Variants in ITGA6 observed in about 807,000 individuals in gnomAD.
The protein encoded by ITGA6 is integrin alpha-6.
A neutral mutation model predicts 133.6 loss-of-function variants in ITGA6; 63 were observed. That is an observed-to-expected ratio of 0.47 (90% confidence interval 0.38 to 0.58). The LOEUF (loss-of-function observed/expected upper bound fraction) is 0.58, where lower values mean the gene tolerates loss of function less well. ITGA6 is among the 20% of genes least tolerant of loss of function. ITGA6 has a pLI of 0.00. For missense variants in ITGA6, 1,068 were observed against 1,309.4 expected, an observed-to-expected ratio of 0.82 and a Z score of 2.85; for synonymous variants, 434 against 482.0, an observed-to-expected ratio of 0.90 and a Z score of 1.30.
In ITGA6 at chr2:172,444,607, A is replaced by G. The variant is rs181330234; in HGVS notation, c.182+16637A>G. 5.2e-3 allele frequency among the ~76,000 whole-genome samples: 603 copies of G among 115,462 alleles called. 2 individuals are homozygous for G. The highest frequency in any genetic ancestry group is 0.037 in the Middle Eastern group (7 of 188). The allele number at this position is 115,462 out of a possible 152,430, so 75.7% of individuals were successfully genotyped here. A position where few individuals can be genotyped will look rare whatever the true frequency, so the allele number is the denominator to read the frequency against. ...ATCCCCGCCCCCCGCCCCCCGCCAA[A>G]AAAAACCAAAAACCCAAAACACTTG... On this transcript the variant is annotated intron_variant, in intron 1 of 25. Transcript: ENST00000684293.
At chr2:172,485,017 G>A in intron 12 of ITGA6, 75 bp downstream of exon 12, 6 of 1,599,466 alleles carry the variant, frequency 3.8e-6, no homozygotes, top group Non-Finnish European at 5.1e-6. Context: ...ACAGATTTCT[G>A]AAATTTATTC....
At position 172,487,768 on chromosome 2, in the gene ITGA6, T is replaced by G; in HGVS notation, c.2285T>G (p.Phe762Cys). 3 of 1,612,720 alleles carry G rather than the reference T, an allele frequency of 1.9e-6. No individual in the cohort carries two copies. Among genetic ancestry groups the G allele is most frequent in the Non-Finnish European group, 2.5e-6 (3 of 1,178,746 alleles). Residue 762 changes from phenylalanine (F) to cysteine (C), a missense_variant, in exon 17 of 26, where the codon TTT (phenylalanine) becomes TGT (cysteine). This residue lies in a region of ITGA6 where 609 missense variants were observed against 707.2 expected (regional missense o/e 0.86). Coordinates refer to ENST00000684293, the MANE Select transcript of ITGA6 (RefSeq NM_000210.4). The stretch of plus-strand genomic sequence containing the variant: ...GTTTTAAGTACAACTGAAGTCACCT[T>G]TGACACCCCAGATCTGGATATTAAT... ...YLVLSTTEVT[F>C]DTPDLDINLK...
chr2:172,491,277 CA>C lies in ITGA6; in HGVS notation c.2836del (p.Ser946AlafsTer17), dbSNP rs1218825349. ...TCAGATGCCCGCTGCGGGGGCTGGA[CA>C]GCAAGGCGTCTCTTATTTTGCGCTC... ...NIRCPLRGLD[S>X]KASLILRSRL... On this transcript the variant is annotated frameshift_variant, in exon 22 of 26. Coordinates refer to ENST00000684293, the MANE Select transcript of ITGA6 (RefSeq NM_000210.4). LOFTEE classifies it high-confidence loss of function. This position sits in a 1 kb window ranked among gnomAD's most constrained non-coding sequence, Gnocchi z 4.4. 1 of 1,613,072 alleles carries C rather than the reference CA, an allele frequency of 6.2e-7. No individual in the cohort carries two copies. Among genetic ancestry groups the C allele is most frequent in the African/African-American group, 1.3e-5 (1 of 74,908 alleles).
At position 172,485,201 on chromosome 2, in the gene ITGA6, G is replaced by T; in HGVS notation, c.1791G>T (p.Val597=). ...EIQEPSSRRR[V]NSLPEVLPIL... ...AAGAGCCAAGCTCTCGTAGGCGAGTGAATTCACTTCCAGAAGTTCTTCCAA... is the reference window on the plus strand; with the variant it reads ...AAGAGCCAAGCTCTCGTAGGCGAGTTAATTCACTTCCAGAAGTTCTTCCAA... Residue 597 remains valine (V), a synonymous_variant, in exon 13 of 26, where the codon GTG becomes GTT. Coordinates refer to ENST00000684293, the MANE Select transcript of ITGA6 (RefSeq NM_000210.4). 6.2e-7 allele frequency: 1 copy of T among 1,614,010 alleles called. No individual in the cohort carries two copies. The highest frequency in any genetic ancestry group is 8.5e-7 in the Non-Finnish European group (1 of 1,179,876).
At position 172,487,968 on chromosome 2, in the gene ITGA6, A is replaced by C; in HGVS notation, c.2332A>C (p.Asn778His). ...TTTCCTTTTCATTTTCAGAACAAGC[A>C]ATCAAGATAATTTGGCTCCAATTAC... is the stretch of plus-strand genomic sequence containing the variant. ...DINLKLETTS[N>H]QDNLAPITAK... Residue 778 changes from asparagine to histidine, a missense_variant, in exon 18 of 26, where the codon AAT becomes CAT. By Grantham distance (68) the Asn-to-His change is moderately conservative. This residue lies in a region of ITGA6 where 609 missense variants were observed against 707.2 expected (regional missense o/e 0.86). Transcript: ENST00000684293. The C allele has an allele frequency of 6.2e-7, 1 of 1,613,602 alleles. No individual in the cohort carries two copies. The highest frequency in any genetic ancestry group is 8.5e-7 in the Non-Finnish European group (1 of 1,179,516).
intron 5 of ITGA6, among the ~76,000 whole-genome samples, chr2:172,471,599 G>A (rs1243240683): frequency 6.6e-6 from 1 of 152,158 alleles, no homozygotes; most frequent in Non-Finnish European, 1.5e-5. Context: ...CCTGCTTCTG[G>A]ATTGGGACCC....
At chr2:172,452,858 G>A (rs1685063552) in intron 1 of ITGA6, among the ~76,000 whole-genome samples, 1 of 152,180 alleles carries the variant, frequency 6.6e-6, no homozygotes, top group Admixed American at 6.5e-5. Context: ...AATGTGGTGT[G>A]GGTATTTGGA....
intron 1 of ITGA6, among the ~76,000 whole-genome samples, chr2:172,452,167 T>A (rs550595819): frequency 1.6e-4 from 25 of 152,158 alleles, no homozygotes; most frequent in Non-Finnish European, 2.6e-4. Context: ...TCCAGTTCTT[T>A]ATAGGTGGTT....
At position 172,501,879 on chromosome 2, in the gene ITGA6, G is replaced by A. The variant is rs16860616; in HGVS notation, c.3222G>A (p.Ter1074=). ...AAGAGAGGCTTACTTCTGATGCATA[G>A]TATTGATCTACTTCTGTAATTGGTA... ...SDKERLTSDA[*] Residue 1074 remains the stop codon, a stop_retained_variant, in exon 25 of 26, where the codon TAG becomes TAA. Coordinates refer to ENST00000684293, the MANE Select transcript of ITGA6 (RefSeq NM_000210.4). 1,853 of 1,612,098 alleles carry A rather than the reference G, an allele frequency of 1.1e-3. 20 individuals are homozygous for A. In the African/African-American group the frequency reaches 0.021, roughly 18 times the overall value.
intron 5 of ITGA6, 56 bp from the exon 6 acceptor site, chr2:172,473,999 A>C: frequency 7.9e-7 from 1 of 1,261,882 alleles, no homozygotes; most frequent in Non-Finnish European, 1.2e-6. Flanking sequence ...TACCAATGTC[A>C]TAGGCCTAAA....
intron 20 of ITGA6, chr2:172,489,903 C>T (rs1686849844): frequency 2.2e-6 from 1 of 456,124 alleles, no homozygotes; most frequent in African/African-American, 2.0e-5. Flanking sequence ...ATGGTATTTT[C>T]TGATGTTTCA....
intron 1 of ITGA6, among the ~76,000 whole-genome samples, chr2:172,435,616 CTTTTT>C (rs58005683): frequency 3.2e-3 from 261 of 82,240 alleles, no homozygotes; most frequent in Admixed American, 8.4e-3. Context: ...AGTTTTGTTT[CTTTTT>C]TTTTTTTTTT....
At position 172,430,468 on chromosome 2, in the gene ITGA6, AGT is replaced by A. The variant is rs1451943393; in HGVS notation, c.182+2500_182+2501del. On this transcript the variant is annotated intron_variant, in intron 1 of 25. Transcript: ENST00000684293. ...AGGTCTTAATTAGACTTATAACAAA[AGT>A]GAGTTTAATGAACAGAGGACTTTGA... Among the ~76,000 whole-genome samples the A allele has an allele frequency of 2.0e-5, 3 of 152,372 alleles. No individual in the cohort carries two copies. The East Asian group carries it at 5.8e-4, about 29-fold the overall frequency.
At chr2:172,431,222 C>G (rs546592006) in intron 1 of ITGA6, among the ~76,000 whole-genome samples, 1 of 152,266 alleles carries the variant, frequency 6.6e-6, no homozygotes, top group East Asian at 1.9e-4. Flanking sequence ...ATCATCTAGT[C>G]CAACTGCCTC....
At chr2:172,486,162 T>A (rs1033348189) in intron 13 of ITGA6, among the ~76,000 whole-genome samples, 1 of 85,494 alleles carries the variant, frequency 1.2e-5, no homozygotes. Context: ...GCAAAAAGAG[T>A]AAGACTCTAT....
intron 1 of ITGA6, among the ~76,000 whole-genome samples, chr2:172,439,401 G>A (rs1313408574): frequency 2.0e-5 from 3 of 150,632 alleles, no homozygotes; most frequent in African/African-American, 7.3e-5. Context: ...CAAGATTATT[G>A]GTATAGACCT....
rs766374480 is a variant in ITGA6, at chr2:172,484,845, A to G, written c.1613A>G (p.Gln538Arg). The G allele has an allele frequency of 6.2e-7, 1 of 1,614,092 alleles. No individual in the cohort carries two copies. The highest frequency in any genetic ancestry group is 1.1e-5 in the South Asian group (1 of 91,082). The change falls in exon 12 of 26, where the codon CAG becomes CGG. Residue 538 changes from glutamine to arginine, a missense_variant. By Grantham distance (43) the Gln-to-Arg change is conservative (BLOSUM62 1). This residue lies in a region of ITGA6 where 609 missense variants were observed against 707.2 expected (regional missense o/e 0.86). Coordinates refer to ENST00000684293, the MANE Select transcript of ITGA6 (RefSeq NM_000210.4). ...AAATCTGGGCTATCCTCAAGAGTTCAGTTTCGAAACCAAGGTTCTGAGCCC... is the reference window on the plus strand; with the variant it reads ...AAATCTGGGCTATCCTCAAGAGTTCGGTTTCGAAACCAAGGTTCTGAGCCC... The part of the protein sequence containing the change: ...RRKSGLSSRV[Q>R]FRNQGSEPKY...
At chr2:172,473,049 T>A (rs374613422) in intron 5 of ITGA6, among the ~76,000 whole-genome samples, 9 of 152,262 alleles carry the variant, frequency 5.9e-5, no homozygotes, top group East Asian at 5.8e-4. Context: ...GGCCAGATGG[T>A]TGTAAGAGCT....
intron 10 of ITGA6, 53 bp downstream of exon 10, chr2:172,479,792 C>T (rs1686352650): frequency 1.4e-6 from 2 of 1,468,776 alleles, no homozygotes; most frequent in Non-Finnish European, 1.9e-6. Flanking sequence ...ACCTCCACTT[C>T]ATGATGACTC....
Sources: allele counts gnomAD v4.1 joint callset (sites outside exome capture counted in the v4.1 genomes callset), GRCh38; gene constraint gnomAD v4.1.1; regional missense constraint gnomAD v4.1.1; non-coding constraint Gnocchi (gnomAD v3.1); transcripts MANE v1.5; gene names NCBI Gene and HGNC (gene_info 2026-07-23, HGNC 2026-07-21).